The following DGKD variants were observed in gnomAD, a reference collection of about 807,000 sequenced individuals.
The protein encoded by DGKD is diacylglycerol kinase delta.
Under a neutral mutation model 154.4 loss-of-function variants are expected in DGKD, and 68 were observed. The ratio of observed to expected loss-of-function variants is 0.44; its 90% CI spans 0.36 to 0.54. The LOEUF (loss-of-function observed/expected upper bound fraction) is 0.54. Ranked by LOEUF, DGKD falls within the 20% of genes least tolerant of loss-of-function variation. DGKD has a pLI of 0.00. For synonymous variants in DGKD, 693 were observed against 638.0 expected, an observed-to-expected ratio of 1.09 and a Z score of -1.30; for missense variants, 1,343 against 1,593.6, an observed-to-expected ratio of 0.84 and a Z score of 2.68.
In DGKD at chr2:233,366,746, C is replaced by T. The variant is rs117909207; in HGVS notation, c.156+12072C>T. Among the ~76,000 whole-genome samples, 3 of 152,052 alleles carry T rather than the reference C, an allele frequency of 2.0e-5. No individual in the cohort carries two copies. The East Asian group carries it at 5.8e-4, about 29-fold the overall frequency. On this transcript the variant is annotated intron_variant, in intron 1 of 29. Coordinates refer to ENST00000264057, the MANE Select transcript of DGKD (RefSeq NM_152879.3). ...GCAGTGAGGATGGTTCATCTGAGCC[C>T]GAGAGTGAGGACAGTGTGACGGGGT... is the stretch of plus-strand genomic sequence containing the variant.
rs2063896902 is a variant in DGKD at position 233,468,439 on chromosome 2, A to G, written c.3441A>G (p.Thr1147=). The G allele has an allele frequency of 6.2e-7, 1 of 1,613,236 alleles. No individual in the cohort carries two copies. The change falls in exon 29 of 30, where the codon ACA becomes ACG. Residue 1147 remains threonine, a synonymous_variant. Coordinates refer to ENST00000264057, the MANE Select transcript of DGKD (RefSeq NM_152879.3). ...CTCCGACAGTTCACCTCTGGGGGAC[A>G]GAGGAGGTTGCTGCCTGGCTGGAGC... is the stretch of plus-strand genomic sequence containing the variant. ...SLGAPVHLWG[T]EEVAAWLEHL... is the part of the protein sequence containing the mutation.
intron 1 of DGKD, among the ~76,000 whole-genome samples, chr2:233,383,914 C>T (rs182288303): frequency 2.6e-5 from 4 of 152,190 alleles, no homozygotes; most frequent in South Asian, 2.1e-4. Context: ...CTAAATGTTC[C>T]GGCAGTGGGA....
In DGKD at chr2:233,397,981, C is replaced by G. The variant is rs536213272; in HGVS notation, c.348+7498C>G. Among the ~76,000 whole-genome samples, 7 of 151,924 alleles carry G rather than the reference C, an allele frequency of 4.6e-5. No individual in the cohort carries two copies. The South Asian group carries it at 1.5e-3, about 32-fold the overall frequency. ...TTCCATGTCTGTCACATTCTTTAGC[C>G]TTATTTTATTTAATTTGTTGGTTTT... is the stretch of plus-strand genomic sequence containing the variant. On this transcript the variant is annotated intron_variant, in intron 3 of 29. Transcript: ENST00000264057.
chr2:233,453,429 C>T (rs530642030), intron 18 of DGKD, among the ~76,000 whole-genome samples: 77 of 152,350 alleles, frequency 5.1e-4, no homozygotes, highest in Non-Finnish European at 9.0e-4. Flanking sequence ...GCTGGCCAGG[C>T]ACTTGGTCTT....
intron 1 of DGKD, among the ~76,000 whole-genome samples, chr2:233,362,876 C>T (rs34339006): frequency 0.32 from 48,787 of 151,924 alleles, 8,713 homozygotes; most frequent in Middle Eastern, 0.46. Flanking sequence ...TGTCTAGTGA[C>T]GTGGTAGCTG....
chr2:233,468,863 G>A (rs1027994115), intron 29 of DGKD, among the ~76,000 whole-genome samples: 4 of 152,246 alleles, frequency 2.6e-5, no homozygotes, highest in Admixed American at 2.6e-4. Flanking sequence ...AGTCACACAC[G>A]ACTGTCCCCA....
At chr2:233,400,858 C>T (rs904866978) in intron 3 of DGKD, among the ~76,000 whole-genome samples, 4 of 152,110 alleles carry the variant, frequency 2.6e-5, no homozygotes, top group Non-Finnish European at 5.9e-5. Flanking sequence ...TGTGTGTGGC[C>T]TCCTGATGCT....
intron 1 of DGKD, among the ~76,000 whole-genome samples, chr2:233,359,736 T>C (rs1449764997): frequency 6.6e-6 from 1 of 152,258 alleles, no homozygotes; most frequent in Non-Finnish European, 1.5e-5. Context: ...ATATTTGAGA[T>C]CTTAACATTG....
chr2:233,384,628 C>T (rs1380060699), intron 1 of DGKD, among the ~76,000 whole-genome samples: 2 of 152,146 alleles, frequency 1.3e-5, no homozygotes, highest in African/African-American at 4.8e-5. Flanking sequence ...CCCTTCGCCT[C>T]GGTCGATTCT....
intron 1 of DGKD, among the ~76,000 whole-genome samples, chr2:233,363,891 AGTACACTCTGTGAT>A (rs1701901643): frequency 6.6e-6 from 1 of 152,254 alleles, no homozygotes; most frequent in Non-Finnish European, 1.5e-5. Context: ...GATTTGTGAA[AGTACACTCTGTGAT>A]GTTCACATAG....
rs2125613572 is a variant in DGKD, at chr2:233,441,811, C to T, written c.1086-76C>T. 1 of 1,420,140 alleles carries T rather than the reference C, an allele frequency of 7.0e-7. No homozygotes were observed. The highest frequency in any genetic ancestry group is 9.8e-7 in the Non-Finnish European group (1 of 1,022,082). 88.0% of individuals were successfully genotyped at this position (1,420,140 alleles called of 1,614,324 possible). ...GCCATGAGGAGCACAGGTGGCCCCTCAGCCCCGTACTGACAAGCCTGTCAT... is the reference window on the plus strand; with the variant it reads ...GCCATGAGGAGCACAGGTGGCCCCTTAGCCCCGTACTGACAAGCCTGTCAT... On this transcript the variant is annotated intron_variant, in intron 9 of 29. Coordinates refer to ENST00000264057, the MANE Select transcript of DGKD (RefSeq NM_152879.3). This position sits in a 1 kb window ranked among gnomAD's most constrained non-coding sequence, Gnocchi z 5.6.
Position 233,459,417 on chromosome 2 carries a change from T to C in DGKD, c.2695-340T>C, listed in dbSNP as rs1484278275. On this transcript the variant is annotated intron_variant, in intron 22 of 29. Coordinates refer to ENST00000264057, the MANE Select transcript of DGKD (RefSeq NM_152879.3). This position sits in a 1 kb window ranked among gnomAD's most constrained non-coding sequence, Gnocchi z 5.7. ...TGTGCCATCTGCTCTTTTCTAGGGG[T>C]GTTTTCACGTGGCAGGGGCCCAGTG... Among the ~76,000 whole-genome samples the C allele has an allele frequency of 1.3e-5, 2 of 151,950 alleles. No individual in the cohort carries two copies. Among genetic ancestry groups the C allele is most frequent in the Admixed American group, 1.3e-4 (2 of 15,270 alleles).
At position 233,437,439 on chromosome 2, in the gene DGKD, A is replaced by T. The variant is rs182015878; in HGVS notation, c.882A>T (p.Ser294=). The change falls in exon 8 of 30, where the codon TCA becomes TCT. Residue 294 remains serine, a synonymous_variant. Transcript: ENST00000264057. ...TKCPLGLCKV[S]VIPPTALNSI... is the part of the protein sequence containing the mutation. Reference sequence around the variant, plus strand: ...GCCCACTTGGCCTGTGCAAAGTGTCAGTCATCCCACCCACGGCTCTCAACA... The same window carrying T: ...GCCCACTTGGCCTGTGCAAAGTGTCTGTCATCCCACCCACGGCTCTCAACA... 99 of 1,614,222 alleles carry T rather than the reference A, an allele frequency of 6.1e-5. No individual in the cohort carries two copies. Among genetic ancestry groups the T allele is most frequent in the Non-Finnish European group, 8.2e-5 (97 of 1,180,050 alleles).
chr2:233,385,486 T>C (rs1473813078), intron 1 of DGKD, among the ~76,000 whole-genome samples: 1 of 152,178 alleles, frequency 6.6e-6, no homozygotes, highest in African/African-American at 2.4e-5. Context: ...AATAAGGGTA[T>C]CTTAGATGGC....
intron 26 of DGKD, chr2:233,463,687 C>T (rs955721125): frequency 5.0e-6 from 1 of 200,650 alleles, no homozygotes; most frequent in African/African-American, 2.3e-5. Flanking sequence ...CCACGCATCA[C>T]CTCACTCCAC....
intron 3 of DGKD, among the ~76,000 whole-genome samples, chr2:233,399,040 A>T (rs1277013919): frequency 6.6e-6 from 1 of 152,128 alleles, no homozygotes; most frequent in Non-Finnish European, 1.5e-5. Context: ...ATCATTTTTA[A>T]ACCCATGTTC....
chr2:233,469,414 G>A lies in DGKD; in HGVS notation c.3599G>A (p.Cys1200Tyr), dbSNP rs945983988. The A allele has an allele frequency of 4.3e-6, 7 of 1,611,160 alleles. No individual in the cohort carries two copies. The highest frequency in any genetic ancestry group is 5.1e-6 in the Non-Finnish European group (6 of 1,179,068). Reference protein sequence around the residue: ...TKVGHMKRILCGIKELSRSAP... With the variant: ...TKVGHMKRILYGIKELSRSAP... ...GTGGGCCACATGAAGAGGATCCTGT[G>A]TGGCATCAAGGAGCTGAGCCGCAGC... is the stretch of plus-strand genomic sequence containing the variant. Residue 1200 changes from cysteine (C) to tyrosine (Y), a missense_variant, in exon 30 of 30, where the codon TGT becomes TAT. Cys to Tyr is a radical substitution (Grantham distance 194, BLOSUM62 -2). Transcript: ENST00000264057.
chr2:233,439,011 A>G (rs1169203596), intron 9 of DGKD, among the ~76,000 whole-genome samples: 2 of 152,248 alleles, frequency 1.3e-5, no homozygotes, highest in African/African-American at 4.8e-5. Flanking sequence ...TCAGCAGCAC[A>G]GAGATTAGAC....
chr2:233,360,365 C>T (rs560392432), intron 1 of DGKD, among the ~76,000 whole-genome samples: 1 of 152,234 alleles, frequency 6.6e-6, no homozygotes, highest in African/African-American at 2.4e-5. Flanking sequence ...ATCCTCCTGC[C>T]TCAGCCACCT....
Sources: gnomAD v4.1 joint callset for allele counts (sites outside exome capture counted in the v4.1 genomes callset) on GRCh38, gnomAD v4.1.1 for gene constraint, Gnocchi (gnomAD v3.1) non-coding constraint, MANE v1.5 for transcripts, NCBI Gene and HGNC (gene_info 2026-07-23, HGNC 2026-07-21) for gene names.